VKORC1L1: variants seen among roughly 807,000 people sequenced by gnomAD.
VKORC1L1 encodes the protein vitamin K epoxide reductase complex subunit 1-like protein 1.
In VKORC1L1, 2 loss-of-function variants were observed where a neutral mutation model predicts 18.9. The observed-to-expected ratio is 0.11, with a 90% CI of 0.04 to 0.33. VKORC1L1 has a LOEUF of 0.33. Among genes scored for constraint, VKORC1L1 ranks in the 10% least tolerant of loss-of-function variants. The probability of loss-of-function intolerance (pLI) is 1.00; values close to 1 mark genes in which losing one functional copy is unlikely to be tolerated. For synonymous variants in VKORC1L1, 96 were observed against 100.0 expected (o/e 0.96, Z 0.24); for missense variants, 123 against 224.1 (o/e 0.55, Z 2.88).
At chr7:65,870,538 G>A (rs62470879), upstream of VKORC1L1, among the ~76,000 whole-genome samples, 5,676 of 152,260 alleles carry the variant, frequency 0.037, 163 homozygotes, top group East Asian at 0.09. Flanking sequence ...TGGGCCAGAT[G>A]TCCATCCGTA....
chr7:65,908,883 G>T (rs1267752666), intron 1 of VKORC1L1, among the ~76,000 whole-genome samples: 1 of 150,290 alleles, frequency 6.7e-6, no homozygotes, highest in East Asian at 2.0e-4. Context: ...TGATATGTTT[G>T]CAAGATGAAG....
chr7:65,898,775 T>C (rs1206553465), intron 1 of VKORC1L1, among the ~76,000 whole-genome samples: 4 of 152,220 alleles, frequency 2.6e-5, no homozygotes, highest in Non-Finnish European at 5.9e-5. Context: ...ATTCATATTG[T>C]TGTACAACCA....
In VKORC1L1 at chr7:65,905,297, G is replaced by A. The variant is rs771153343; in HGVS notation, c.194+31732G>A. Among the ~76,000 whole-genome samples, 6 of 151,976 alleles carry A rather than the reference G, an allele frequency of 3.9e-5. No homozygotes were observed. The East Asian group carries it at 7.7e-4, about 20-fold the overall frequency. ...GTCACATAAGTTGTTTTAAATTGGC[G>A]TGGTTATTTTTTTTATTTTTTTATT... On this transcript the variant is annotated intron_variant, in intron 1 of 2. Transcript: ENST00000360768.
chr7:65,887,023 A>G (rs1489117930), intron 1 of VKORC1L1, among the ~76,000 whole-genome samples: 2 of 148,406 alleles, frequency 1.3e-5, no homozygotes, highest in African/African-American at 5.0e-5. Context: ...CTGATTTTAC[A>G]TGTTTTTAGT....
chr7:65,890,085 G>A (rs550413080), intron 1 of VKORC1L1, among the ~76,000 whole-genome samples: 15 of 150,156 alleles, frequency 1.0e-4, no homozygotes, highest in Non-Finnish European at 1.3e-4. Context: ...AGCCTGCCAA[G>A]TAGCTGGGAC....
chr7:65,865,936 A>G, the VKORC1L1 span, among the ~76,000 whole-genome samples: 403 of 151,890 alleles, frequency 2.7e-3, 2 homozygotes, highest in African/African-American at 9.3e-3. Flanking sequence ...CCTGGCCAAC[A>G]TGGTGAAATC....
chr7:65,873,925 T>A (rs373176675), intron 1 of VKORC1L1, among the ~76,000 whole-genome samples: 1 of 151,654 alleles, frequency 6.6e-6, no homozygotes, highest in Admixed American at 6.6e-5. Context: ...GCTTGACAGG[T>A]TTCCTGGTTC....
intron 1 of VKORC1L1, among the ~76,000 whole-genome samples, chr7:65,877,492 T>C (rs1418921536): frequency 2.0e-5 from 3 of 152,018 alleles, no homozygotes; most frequent in Admixed American, 6.6e-5. Flanking sequence ...GGATTACAGG[T>C]GCCCACCACC....
At chr7:65,906,249 C>T (rs901295253) in intron 1 of VKORC1L1, among the ~76,000 whole-genome samples, 10 of 151,846 alleles carry the variant, frequency 6.6e-5, no homozygotes, top group Admixed American at 6.6e-4. Context: ...AGCCTGGTGC[C>T]AGTGGTCTCA....
chr7:65,894,840 G>GT (rs1789166311), intron 1 of VKORC1L1, among the ~76,000 whole-genome samples: 1 of 152,234 alleles, frequency 6.6e-6, no homozygotes, highest in African/African-American at 2.4e-5. Flanking sequence ...GAGCCCAGGA[G>GT]TTTGAGACCA....
chr7:65,954,429 T>G lies in VKORC1L1; in HGVS notation c.*129T>G, dbSNP rs1468644604. The stretch of plus-strand genomic sequence containing the variant: ...CTTTCCCTAAGAATCTCAAACTGAT[T>G]TTTAAAAATCCGGTAAATTAGAAGG... On this transcript the variant is annotated 3_prime_UTR_variant, in exon 3 of 3. Transcript: ENST00000360768. The G allele has an allele frequency of 7.2e-7, 1 of 1,383,002 alleles. No individual in the cohort carries two copies. The highest frequency in any genetic ancestry group is 3.0e-5 in the Admixed American group (1 of 32,816). 85.7% of individuals were successfully genotyped at this position (1,383,002 alleles called of 1,614,324 possible).
intron 1 of VKORC1L1, among the ~76,000 whole-genome samples, chr7:65,935,008 C>T (rs184840230): frequency 1.7e-4 from 26 of 148,932 alleles, no homozygotes; most frequent in Admixed American, 1.7e-3. Flanking sequence ...GAGTGGAGAT[C>T]GCACCACTGC....
At chr7:65,942,757 C>T (rs917343428) in intron 1 of VKORC1L1, among the ~76,000 whole-genome samples, 6 of 151,790 alleles carry the variant, frequency 4.0e-5, no homozygotes, top group African/African-American at 1.5e-4. Context: ...AACTCCTGAC[C>T]TTAAGTGATC....
rs58269522 is a variant in VKORC1L1, at chr7:65,900,042, CGTGTGTGT to C, written c.194+26516_194+26523del. Among the ~76,000 whole-genome samples, 1,050 of 140,958 alleles carry C rather than the reference CGTGTGTGT, an allele frequency of 7.4e-3. 11 individuals carry two copies. Among genetic ancestry groups the C allele is most frequent in the African/African-American group, 0.022 (817 of 36,768 alleles). 92.5% of individuals were successfully genotyped at this position (140,958 alleles called of 152,430 possible). A position where few individuals can be genotyped will look rare whatever the true frequency, so the allele number is the denominator to read the frequency against. The stretch of plus-strand genomic sequence containing the variant: ...TTGTGCGTGTGTGCATGTGCACGCA[CGTGTGTGT>C]GTGTGTGTGTGTGTGTGTGTGTGTG... On this transcript the variant is annotated intron_variant, in intron 1 of 2. Coordinates refer to ENST00000360768, the MANE Select transcript of VKORC1L1 (RefSeq NM_173517.6).
rs554566229 is a variant in VKORC1L1, at chr7:65,873,458, C to T, written c.87C>T (p.Leu29=). The T allele has an allele frequency of 1.2e-5, 19 of 1,593,526 alleles. No homozygotes were observed. The highest frequency in any genetic ancestry group is 1.0e-4 in the South Asian group (9 of 90,114). The change falls in exon 1 of 3, where the codon CTC becomes CTT. Residue 29 remains leucine, a synonymous_variant. Coordinates refer to ENST00000360768, the MANE Select transcript of VKORC1L1 (RefSeq NM_173517.6). ...CAGTGTGCGCTGCCGGAATCCTGCTCTCCATCTACGCCTACCACGTGGAGC... is the reference window on the plus strand; with the variant it reads ...CAGTGTGCGCTGCCGGAATCCTGCTTTCCATCTACGCCTACCACGTGGAGC... ...RYAVCAAGIL[L]SIYAYHVERE...
chr7:65,952,713 C>A (rs1790231282), intron 2 of VKORC1L1, among the ~76,000 whole-genome samples: 2 of 151,360 alleles, frequency 1.3e-5, no homozygotes, highest in South Asian at 4.2e-4. Context: ...TATACTGTTG[C>A]CTATAAGAAA....
At chr7:65,936,859 C>T (rs889713944) in intron 1 of VKORC1L1, among the ~76,000 whole-genome samples, 3 of 152,260 alleles carry the variant, frequency 2.0e-5, no homozygotes, top group South Asian at 2.1e-4. Context: ...TGGCTTCACC[C>T]GAAGAGTGAG....
At chr7:65,875,455 TCA>T (rs1287828597) in intron 1 of VKORC1L1, among the ~76,000 whole-genome samples, 3 of 152,098 alleles carry the variant, frequency 2.0e-5, no homozygotes, top group East Asian at 3.9e-4. Context: ...TCTTGCTCTG[TCA>T]CACAGGCTGG....
upstream of VKORC1L1, among the ~76,000 whole-genome samples, chr7:65,872,863 C>T (rs545084019): frequency 6.6e-6 from 1 of 152,106 alleles, no homozygotes; most frequent in East Asian, 1.9e-4. Flanking sequence ...GCCGAGGGTT[C>T]GCCCAGTCAC....
Sources: allele counts gnomAD v4.1 joint callset (sites outside exome capture counted in the v4.1 genomes callset), GRCh38; gene constraint gnomAD v4.1.1; transcripts MANE v1.5; gene names NCBI Gene and HGNC (gene_info 2026-07-23, HGNC 2026-07-21).